The following RIC1 variants were observed in gnomAD, a reference collection of about 807,000 sequenced individuals.
The protein encoded by RIC1 is RIC1 partner of RAB6A GEF complex, also known as guanine nucleotide exchange factor subunit RIC1.
RIC1 carries 88 observed loss-of-function variants against 169.0 expected under a neutral mutation model. The ratio of observed to expected loss-of-function variants is 0.52; its 90% CI spans 0.44 to 0.62. RIC1 has a LOEUF of 0.62. RIC1 is among the 20% of genes least tolerant of loss of function. The pLI, the probability that RIC1 is intolerant of heterozygous loss-of-function variation, is 0.00. For synonymous variants in RIC1, 790 were observed against 601.5 expected, an observed-to-expected ratio of 1.31 and a Z score of -4.59; for missense variants, 1,877 against 1,725.5, an observed-to-expected ratio of 1.09 and a Z score of -1.56.
chr9:5,644,971 T>G (rs1223353053), intron 1 of RIC1, among the ~76,000 whole-genome samples: 1 of 152,224 alleles, frequency 6.6e-6, no homozygotes, highest in Non-Finnish European at 1.5e-5. Context: ...TTCTAATGAC[T>G]AAAAAATGTT....
chr9:5,751,544 C>G (rs532038302), intron 12 of RIC1, among the ~76,000 whole-genome samples: 4 of 150,862 alleles, frequency 2.7e-5, no homozygotes, highest in African/African-American at 9.9e-5. Flanking sequence ...TTAGTAGAGA[C>G]GGGTTTCACC....
intron 12 of RIC1, among the ~76,000 whole-genome samples, chr9:5,749,926 C>G (rs1413794138): frequency 2.6e-4 from 39 of 151,498 alleles, no homozygotes; most frequent in Admixed American, 2.5e-3. Flanking sequence ...TTACAGGCAC[C>G]TGCCACCATG....
At chr9:5,651,775 C>T (rs1383614333) in intron 1 of RIC1, among the ~76,000 whole-genome samples, 2 of 151,852 alleles carry the variant, frequency 1.3e-5, no homozygotes. Context: ...GCCATGTTGG[C>T]CAGGTTGGTC....
At chr9:5,656,156 C>T (rs1460216283) in intron 1 of RIC1, among the ~76,000 whole-genome samples, 1 of 152,190 alleles carries the variant, frequency 6.6e-6, no homozygotes, top group Non-Finnish European at 1.5e-5. Flanking sequence ...AGGCATGAGC[C>T]ACCGCGCCTG....
chr9:5,652,522 A>G lies in RIC1; in HGVS notation c.145-4061A>G, dbSNP rs72689467. The stretch of plus-strand genomic sequence containing the variant: ...TTCAGCTAATTCACTATTAGTGTAT[A>G]GAGGCATTACTGGTTTTTGTATATT... On this transcript the variant is annotated intron_variant, in intron 1 of 25. Transcript: ENST00000414202. Among the ~76,000 whole-genome samples, 1,518 of 152,220 alleles carry G rather than the reference A, an allele frequency of 1.0e-2. 10 individuals carry two copies. Among genetic ancestry groups the G allele is most frequent in the Non-Finnish European group, 0.016 (1,090 of 68,016 alleles).
At chr9:5,735,807 T>C (rs1824667241) in intron 7 of RIC1, among the ~76,000 whole-genome samples, 1 of 152,222 alleles carries the variant, frequency 6.6e-6, no homozygotes, top group Non-Finnish European at 1.5e-5. Flanking sequence ...AGATTCTGGT[T>C]ACACATTTTG....
At chr9:5,777,358 T>G (rs1419123133), downstream of RIC1, among the ~76,000 whole-genome samples, 2 of 151,428 alleles carry the variant, frequency 1.3e-5, no homozygotes, top group Non-Finnish European at 3.0e-5. Flanking sequence ...AGGATCTAAT[T>G]CCACACAAAA....
intron 2 of RIC1, among the ~76,000 whole-genome samples, chr9:5,658,749 A>C (rs1232261749): frequency 6.6e-6 from 1 of 152,056 alleles, no homozygotes; most frequent in East Asian, 1.9e-4. Context: ...AGATGGAAGC[A>C]GGAATATCTT....
At chr9:5,748,370 TGA>T (rs1347535164) in intron 12 of RIC1, among the ~76,000 whole-genome samples, 2 of 152,106 alleles carry the variant, frequency 1.3e-5, no homozygotes, top group Non-Finnish European at 2.9e-5. Context: ...GTGAAGATAA[TGA>T]GAGACAAAAA....
chr9:5,647,148 CTG>C (rs777784890), intron 1 of RIC1, among the ~76,000 whole-genome samples: 4 of 152,072 alleles, frequency 2.6e-5, no homozygotes, highest in Non-Finnish European at 5.9e-5. Flanking sequence ...TTTCTGGACT[CTG>C]TGTTTTATTC....
At position 5,718,045 on chromosome 9, in the gene RIC1, C is replaced by A. The variant is rs1477880299; in HGVS notation, c.441-2137C>A. 1.1e-4 allele frequency among the ~76,000 whole-genome samples: 15 copies of A among 137,096 alleles called. 1 individual carries two copies. The highest frequency in any genetic ancestry group is 3.9e-4 in the African/African-American group (14 of 36,084). The allele number at this position is 137,096 out of a possible 152,430, so 89.9% of individuals were successfully genotyped here. A position where few individuals can be genotyped will look rare whatever the true frequency, so the allele number is the denominator to read the frequency against. ...ATCCCAGCTACTAGGGAGGCTGAGG[C>A]AGGAGAATCACTTGAACCTGGGAGG... On this transcript the variant is annotated intron_variant, in intron 4 of 25. Coordinates refer to ENST00000414202, the MANE Select transcript of RIC1 (RefSeq NM_020829.4).
chr9:5,739,112 A>G (rs994114745), intron 8 of RIC1, among the ~76,000 whole-genome samples: 2 of 152,090 alleles, frequency 1.3e-5, no homozygotes. Context: ...GCATCAGTCA[A>G]GGGTATATCT....
intron 2 of RIC1, among the ~76,000 whole-genome samples, chr9:5,675,290 C>G (rs952546940): frequency 1.3e-5 from 2 of 151,700 alleles, no homozygotes; most frequent in Admixed American, 1.3e-4. Flanking sequence ...GTAATGGGAA[C>G]GAGTCAGGGT....
At chr9:5,769,718 A>G in intron 22 of RIC1, 1 of 252,446 alleles carries the variant, frequency 4.0e-6, no homozygotes, top group Non-Finnish European at 7.5e-6. Flanking sequence ...AGGACTTTTT[A>G]TGAAGACTGT....
chr9:5,666,632 A>G (rs547282952), intron 2 of RIC1, among the ~76,000 whole-genome samples: 2 of 152,252 alleles, frequency 1.3e-5, no homozygotes, highest in African/African-American at 2.4e-5. Context: ...CTTTGCGTCA[A>G]TTGAGAAACG....
At chr9:5,662,526 G>A (rs944834648) in intron 2 of RIC1, among the ~76,000 whole-genome samples, 1 of 151,762 alleles carries the variant, frequency 6.6e-6, no homozygotes. Flanking sequence ...CTCATTATTG[G>A]TCTATTCAGA....
At chr9:5,654,652 G>C (rs879265501) in intron 1 of RIC1, among the ~76,000 whole-genome samples, 1 of 152,008 alleles carries the variant, frequency 6.6e-6, no homozygotes, top group Admixed American at 6.5e-5. Flanking sequence ...CAGTTCTTCT[G>C]CCTCAGCCTC....
At position 5,754,802 on chromosome 9, in the gene RIC1, T is replaced by G; in HGVS notation, c.1603-39T>G. The G allele has an allele frequency of 5.1e-6, 6 of 1,169,144 alleles. No individual in the cohort carries two copies. In the South Asian group the frequency reaches 9.2e-5, roughly 18 times the overall value. The allele number at this position is 1,169,144 out of a possible 1,614,324, so 72.4% of individuals were successfully genotyped here. On this transcript the variant is annotated intron_variant, in intron 14 of 25. Coordinates refer to ENST00000414202, the MANE Select transcript of RIC1 (RefSeq NM_020829.4). ...TATATTACTTTGTTATAATTTCTGG[T>G]AGCATAAGGTAAATTTTTTAAAAAA...
At chr9:5,777,675 A>C (rs1002103066), downstream of RIC1, among the ~76,000 whole-genome samples, 29 of 152,278 alleles carry the variant, frequency 1.9e-4, 1 homozygote, top group African/African-American at 6.7e-4. Flanking sequence ...ATTTTCATAT[A>C]TGATATGAAA....
Sources: allele counts gnomAD v4.1 joint callset (sites outside exome capture counted in the v4.1 genomes callset), GRCh38; gene constraint gnomAD v4.1.1; transcripts MANE v1.5; gene names NCBI Gene and HGNC (gene_info 2026-07-23, HGNC 2026-07-21).